The following MAP3K15 variants were observed in gnomAD, a reference collection of about 807,000 sequenced individuals.
MAP3K15 encodes the protein MAPK/ERK kinase kinase 15.
Under a neutral mutation model 99.5 loss-of-function variants are expected in MAP3K15, and 124 were observed. The ratio of observed to expected loss-of-function variants is 1.25; its 90% CI spans 1.08 to 1.45. MAP3K15 has a LOEUF of 1.45. Ranked by LOEUF, MAP3K15 falls within the 40% of genes most tolerant of loss-of-function variation. The pLI is 0.00. For missense variants in MAP3K15, 1,242 were observed against 1,079.7 expected (o/e 1.15, Z -2.11); for synonymous variants, 494 against 439.6 (o/e 1.12, Z -1.55).
intron 7 of MAP3K15, among the ~76,000 whole-genome samples, chrX:19,427,264 C>T (rs1041601005): frequency 3.6e-5 from 4 of 111,529 alleles, no homozygotes; most frequent in African/African-American, 1.3e-4. Context: ...CCACCTCAGC[C>T]TCCCAAGTAG....
At chrX:19,373,749 G>A in intron 20 of MAP3K15, 54 bp from the exon 21 acceptor site, 1 of 1,135,091 alleles carries the variant, frequency 8.8e-7, no homozygotes, top group Non-Finnish European at 1.2e-6. Context: ...GGACGGGGTG[G>A]AGCTGAGTCC....
In MAP3K15 at chrX:19,485,201, C is replaced by T. The variant is rs576601822; in HGVS notation, c.525+1281G>A. Among the ~76,000 whole-genome samples the T allele has an allele frequency of 4.2e-4, 44 of 104,705 alleles. 2 individuals are homozygous for T. In the South Asian group the frequency reaches 0.018, roughly 43 times the overall value. The allele number at this position is 104,705 out of a possible 115,157, so 90.9% of individuals were successfully genotyped here. ...GTAGGCGCCTATAATCCCAGCTACT[C>T]AGGAGGCTGAGACAGGAGAATCGCT... On this transcript the variant is annotated intron_variant, in intron 3 of 28. Transcript: ENST00000338883.
chrX:19,412,188 C>T lies in MAP3K15; in HGVS notation c.1698+1169G>A, dbSNP rs776807318. On this transcript the variant is annotated intron_variant, in intron 11 of 28. Transcript: ENST00000338883. ...AGCCACATGAGTTTCCAAAGACTTC[C>T]CCAATGGCAGGTCTATTCCACGGTG... Among the ~76,000 whole-genome samples, 36 of 112,103 alleles carry T rather than the reference C, an allele frequency of 3.2e-4. 1 individual carries two copies. The highest frequency in any genetic ancestry group is 1.1e-3 in the African/African-American group (34 of 30,896).
In MAP3K15 at chrX:19,360,107, A is replaced by AATAAGACTTTTG. The variant is rs1438677426; in HGVS notation, c.*630_*641dup. ...AGGCAAGAGGACAGTTCCATTTTAA[A>AATAAGACTTTTG]ATAAGACTTTTGTAATCATTCCAAT... On this transcript the variant is annotated 3_prime_UTR_variant, in exon 29 of 29. Transcript: ENST00000338883. The AATAAGACTTTTG allele has an allele frequency of 6.7e-6, 1 of 148,553 alleles. No individual in the cohort carries two copies. Among genetic ancestry groups the AATAAGACTTTTG allele is most frequent in the Non-Finnish European group, 1.2e-5 (1 of 81,859 alleles). 12.2% of individuals were successfully genotyped at this position (148,553 alleles called of 1,213,427 possible).
At chrX:19,379,441 C>CTTTTT (rs770431394) in intron 19 of MAP3K15, among the ~76,000 whole-genome samples, 2 of 62,349 alleles carry the variant, frequency 3.2e-5, no homozygotes, top group Non-Finnish European at 5.4e-5. Context: ...AGTGTTTTTC[C>CTTTTT]TTTTTTTTTT....
chrX:19,374,211 C>G (rs1002330624), intron 20 of MAP3K15, among the ~76,000 whole-genome samples: 1 of 111,433 alleles, frequency 9.0e-6, no homozygotes, highest in Non-Finnish European at 1.9e-5. Flanking sequence ...TTCCCAATCC[C>G]GAAGGAACAA....
chrX:19,387,806 T>TC (rs1238293019), intron 18 of MAP3K15, among the ~76,000 whole-genome samples: 1 of 112,058 alleles, frequency 8.9e-6, no homozygotes, highest in African/African-American at 3.2e-5. Context: ...ACGATCTGAA[T>TC]CCCTCAACAG....
chrX:19,413,140 A>C (rs1006504500), intron 11 of MAP3K15, among the ~76,000 whole-genome samples: 1 of 108,447 alleles, frequency 9.2e-6, no homozygotes, highest in African/African-American at 3.4e-5. Context: ...ACACACACAC[A>C]CACTCCCCCA....
intron 6 of MAP3K15, among the ~76,000 whole-genome samples, chrX:19,446,890 A>G (rs941199389): frequency 9.0e-6 from 1 of 111,090 alleles, no homozygotes; most frequent in Non-Finnish European, 1.9e-5. Context: ...TATTTTAAAA[A>G]TTAATTAGGT....
intron 25 of MAP3K15, among the ~76,000 whole-genome samples, chrX:19,366,695 T>A (rs2063337241): frequency 1.8e-5 from 2 of 112,190 alleles, no homozygotes; most frequent in African/African-American, 6.5e-5. Context: ...CGTGGAACTG[T>A]AAGTCCATTA....
intron 25 of MAP3K15, among the ~76,000 whole-genome samples, chrX:19,368,600 C>A (rs2063351756): frequency 8.9e-6 from 1 of 112,345 alleles, no homozygotes; most frequent in Non-Finnish European, 1.9e-5. Flanking sequence ...GAAATGACAA[C>A]AGGACAAACT....
chrX:19,493,716 C>T (rs936187525), intron 1 of MAP3K15, among the ~76,000 whole-genome samples: 1 of 111,473 alleles, frequency 9.0e-6, no homozygotes, highest in Non-Finnish European at 1.9e-5. Context: ...TTCAGAACCC[C>T]AGCAGGCAGG....
chrX:19,364,893 C>CA (rs781622051), intron 25 of MAP3K15, among the ~76,000 whole-genome samples: 907 of 38,384 alleles, frequency 0.024, 14 homozygotes, highest in East Asian at 0.076. Flanking sequence ...AACTCTGTCT[C>CA]AAAAAAAAAA....
At chrX:19,391,906 A>G in intron 18 of MAP3K15, 96 bp downstream of exon 18, 1 of 554,022 alleles carries the variant, frequency 1.8e-6, no homozygotes, top group Non-Finnish European at 3.0e-6. Context: ...CTCTGCTCAG[A>G]AAAGGTGCTC....
At chrX:19,366,763 G>C (rs907206172) in intron 25 of MAP3K15, among the ~76,000 whole-genome samples, 2 of 111,772 alleles carry the variant, frequency 1.8e-5, no homozygotes, top group African/African-American at 6.5e-5. Context: ...CGTGAAAATG[G>C]ACTAATACAC....
At chrX:19,361,783 T>G (rs957755500) in intron 26 of MAP3K15, 190 bp from the exon 27 acceptor site, 26 of 363,519 alleles carry the variant, frequency 7.2e-5, no homozygotes, top group Non-Finnish European at 9.5e-5. Flanking sequence ...CTAGAAAGCC[T>G]CCTCATCTAG....
In MAP3K15 at chrX:19,407,179, G is replaced by A. The variant is rs766525931; in HGVS notation, c.1844+9C>T. The A allele has an allele frequency of 2.7e-6, 3 of 1,111,106 alleles. No individual in the cohort carries two copies. Among genetic ancestry groups the A allele is most frequent in the South Asian group, 4.2e-5 (2 of 47,806 alleles). 91.6% of individuals were successfully genotyped at this position (1,111,106 alleles called of 1,213,427 possible). On this transcript the variant is annotated intron_variant, in intron 13 of 28. Coordinates refer to ENST00000338883, the MANE Select transcript of MAP3K15 (RefSeq NM_001001671.4). ...TACATTGCAAATACCTGAATTGGCT[G>A]TAACTCACCTACTGCACTGCTCTTC...
At chrX:19,482,177 C>A in intron 3 of MAP3K15, 1 of 62,523 alleles carries the variant, frequency 1.6e-5, no homozygotes, top group Non-Finnish European at 2.4e-5. Flanking sequence ...GAGATTCCAG[C>A]TCAAAAAAAA....
intron 6 of MAP3K15, among the ~76,000 whole-genome samples, chrX:19,435,082 T>G (rs2063911461): frequency 1.8e-5 from 2 of 112,128 alleles, no homozygotes; most frequent in South Asian, 7.3e-4. Flanking sequence ...AGCATTTAAA[T>G]AATTTCTAAT....
Sources: gnomAD v4.1 joint callset for allele counts (sites outside exome capture counted in the v4.1 genomes callset) on GRCh38, gnomAD v4.1.1 for gene constraint, MANE v1.5 for transcripts, NCBI Gene and HGNC (gene_info 2026-07-23, HGNC 2026-07-21) for gene names.